Variants in PNLIPRP1 observed in about 807,000 individuals in gnomAD.
The protein encoded by PNLIPRP1 is pancreatic lipase related protein 1.
Under a neutral mutation model 54.6 loss-of-function variants are expected in PNLIPRP1, and 57 were observed. The observed-to-expected ratio is 1.04, with a 90% CI of 0.84 to 1.30. PNLIPRP1 has a LOEUF of 1.30. Ranked by LOEUF, PNLIPRP1 falls within the 50% of genes most tolerant of loss-of-function variation. The pLI, the probability that PNLIPRP1 is intolerant of heterozygous loss-of-function variation, is 0.00. For missense variants in PNLIPRP1, 567 were observed against 568.5 expected (o/e 1.00, Z 0.03); for synonymous variants, 232 against 208.8 (o/e 1.11, Z -0.96).
At chr10:116,608,841 G>A (rs547193303) in intron 12 of PNLIPRP1, among the ~76,000 whole-genome samples, 146 of 152,312 alleles carry the variant, frequency 9.6e-4, no homozygotes, top group Non-Finnish European at 1.7e-3. Context: ...AGCAGACCTT[G>A]TCCTAGAGCC....
chr10:116,608,916 G>C (rs782285743), intron 12 of PNLIPRP1, 137 bp from the exon 13 acceptor site: 9 of 729,130 alleles, frequency 1.2e-5, no homozygotes, highest in Non-Finnish European at 2.0e-5. Flanking sequence ...CGTGCCTCCT[G>C]AATCACTCAT....
intron 10 of PNLIPRP1, among the ~76,000 whole-genome samples, chr10:116,601,822 G>A (rs1016755596): frequency 1.3e-5 from 2 of 152,270 alleles, no homozygotes; most frequent in East Asian, 3.9e-4. Flanking sequence ...TAAAGACAGA[G>A]GTTACATATT....
chr10:116,606,798 C>T (rs887495972), intron 12 of PNLIPRP1, among the ~76,000 whole-genome samples: 2 of 152,148 alleles, frequency 1.3e-5, no homozygotes, highest in East Asian at 1.9e-4. Context: ...AGGTCCTGTG[C>T]CCATCAGCTG....
At position 116,590,995 on chromosome 10, in the gene PNLIPRP1, G is replaced by A. The variant is rs1014267148; in HGVS notation, c.-1G>A. On this transcript the variant is annotated splice_region_variant and 5_prime_UTR_variant, in exon 1 of 13. Transcript: ENST00000358834. ...AGGGAACATCTGGAACATTAGACAG[G>A]GTAAGCCACCTTTGCAACTCCTTTC... 1.5e-6 allele frequency: 1 copy of A among 656,736 alleles called. No homozygotes were observed. Among genetic ancestry groups the A allele is most frequent in the African/African-American group, 1.8e-5 (1 of 56,274 alleles). 40.7% of individuals were successfully genotyped at this position (656,736 alleles called of 1,614,324 possible).
intron 11 of PNLIPRP1, among the ~76,000 whole-genome samples, chr10:116,604,718 T>C (rs965683514): frequency 1.2e-4 from 17 of 147,152 alleles, no homozygotes; most frequent in Non-Finnish European, 7.5e-5. Flanking sequence ...GAAAGAGTCT[T>C]TGCTCTGTCA....
chr10:116,598,340 C>T lies in PNLIPRP1; in HGVS notation c.814+174C>T, dbSNP rs531460955. On this transcript the variant is annotated intron_variant, in intron 8 of 12. Transcript: ENST00000358834. Reference sequence around the variant, plus strand: ...CTACATAGTATTTGTTATATCTCAGCTTTACTGCTTTTGTGCTTCCTTAAA... The same window carrying T: ...CTACATAGTATTTGTTATATCTCAGTTTTACTGCTTTTGTGCTTCCTTAAA... Among the ~76,000 whole-genome samples, 3 of 152,338 alleles carry T rather than the reference C, an allele frequency of 2.0e-5. No homozygotes were observed. The South Asian group carries it at 6.2e-4, about 32-fold the overall frequency.
chr10:116,605,231 C>CAT (rs1290827144), intron 11 of PNLIPRP1, among the ~76,000 whole-genome samples, 155 bp from the exon 12 acceptor site: 1 of 152,176 alleles, frequency 6.6e-6, no homozygotes, highest in Non-Finnish European at 1.5e-5. Context: ...GAGGTGCTAG[C>CAT]ATATAGCTGG....
At chr10:116,603,883 A>C in intron 10 of PNLIPRP1, 147 bp from the exon 11 acceptor site, 1 of 486,072 alleles carries the variant, frequency 2.1e-6, no homozygotes, top group Non-Finnish European at 3.7e-6. Context: ...ACAGAGTGAG[A>C]CCCCATCTCA....
rs267602380 is a variant in PNLIPRP1, at chr10:116,600,136, C to T, written c.904C>T (p.Pro302Ser). Residue 302 changes from proline (P) to serine (S), a missense_variant, in exon 9 of 13, where the codon CCC becomes TCC. Pro to Ser is a moderately conservative substitution (Grantham distance 74). Coordinates refer to ENST00000358834, the MANE Select transcript of PNLIPRP1 (RefSeq NM_006229.4). The stretch of plus-strand genomic sequence containing the variant: ...CAATCCCGATGGGTTTGCTGCATAT[C>T]CCTGCACTTCCTACAAGTCCTTTGA... The part of the protein sequence containing the change: ...ILNPDGFAAY[P>S]CTSYKSFESD... 5 of 1,611,726 alleles carry T rather than the reference C, an allele frequency of 3.1e-6. No homozygotes were observed. Among genetic ancestry groups the T allele is most frequent in the Non-Finnish European group, 4.2e-6 (5 of 1,177,878 alleles).
In PNLIPRP1 at chr10:116,600,114, T is replaced by A; in HGVS notation, c.882T>A (p.Asn294Lys). ...AGTATTACTTGGAAAGCATCCTCAA[T>A]CCCGATGGGTTTGCTGCATATCCCT... is the stretch of plus-strand genomic sequence containing the variant. ...SYKYYLESIL[N>K]PDGFAAYPCT... The change falls in exon 9 of 13, where the codon AAT becomes AAA. Residue 294 changes from asparagine to lysine, a missense_variant. Transcript: ENST00000358834. The A allele has an allele frequency of 6.2e-7, 1 of 1,613,902 alleles. No homozygotes were observed. Among genetic ancestry groups the A allele is most frequent in the Non-Finnish European group, 8.5e-7 (1 of 1,179,832 alleles).
intron 11 of PNLIPRP1, among the ~76,000 whole-genome samples, chr10:116,604,532 T>C (rs1200458158): frequency 6.6e-6 from 1 of 152,202 alleles, no homozygotes; most frequent in Non-Finnish European, 1.5e-5. Context: ...ACACAATGAT[T>C]AAATTACCTA....
intron 11 of PNLIPRP1, 132 bp from the exon 12 acceptor site, chr10:116,605,254 T>G (rs1331780999): frequency 5.5e-6 from 3 of 544,198 alleles, no homozygotes; most frequent in Admixed American, 3.0e-5. Flanking sequence ...TTTCCATTTC[T>G]CCATCCTTTA....
rs1847895639 is a variant in PNLIPRP1, at chr10:116,604,084, T to A, written c.1118T>A (p.Ile373Asn). The change falls in exon 11 of 13, where the codon ATC becomes AAC. Residue 373 changes from isoleucine to asparagine, a missense_variant. Ile to Asn is a moderately radical substitution (Grantham distance 149, BLOSUM62 -3). Transcript: ENST00000358834. ...TLSGRTATGQ[I>N]KVALFGNKGN... is the part of the protein sequence containing the mutation. ...TCTGGAAGAACAGCCACTGGTCAGA[T>A]CAAAGTTGCTTTGTTTGGAAATAAG... is the stretch of plus-strand genomic sequence containing the variant. 2 of 1,613,848 alleles carry A rather than the reference T, an allele frequency of 1.2e-6. No homozygotes were observed. The highest frequency in any genetic ancestry group is 1.7e-6 in the Non-Finnish European group (2 of 1,179,786).
chr10:116,605,529 T>G lies in PNLIPRP1; in HGVS notation c.1316T>G (p.Val439Gly). The G allele has an allele frequency of 6.2e-7, 1 of 1,603,692 alleles. No individual in the cohort carries two copies. The highest frequency in any genetic ancestry group is 8.5e-7 in the Non-Finnish European group (1 of 1,173,222). ...AAAGTGGGTGCCACCAAGATCACTG[T>G]GCAAAAGGGAGAAGAGAAGACAGTG... ...LPKVGATKITVQKGEEKTVYN... is the reference protein window; with the variant it reads ...LPKVGATKITGQKGEEKTVYN... The change falls in exon 12 of 13, where the codon GTG becomes GGG. Residue 439 changes from valine (V) to glycine (G), a missense_variant. Physicochemically the swap from Val to Gly is moderately radical, Grantham distance 109. Coordinates refer to ENST00000358834, the MANE Select transcript of PNLIPRP1 (RefSeq NM_006229.4).
rs1036848101 is a variant in PNLIPRP1 at position 116,596,124 on chromosome 10, G to T, written c.466-90G>T. The T allele has an allele frequency of 3.5e-6, 3 of 859,248 alleles. No homozygotes were observed. The East Asian group carries it at 7.3e-5, about 21-fold the overall frequency. The allele number at this position is 859,248 out of a possible 1,614,324, so 53.2% of individuals were successfully genotyped here. A position where few individuals can be genotyped will look rare whatever the true frequency, so the allele number is the denominator to read the frequency against. On this transcript the variant is annotated intron_variant, in intron 5 of 12. Coordinates refer to ENST00000358834, the MANE Select transcript of PNLIPRP1 (RefSeq NM_006229.4). ...CTGAAGGCAATGAGAGGCATGGAAG[G>T]TTTTCAGCAGAGGAGTAATATCCAT...
intron 12 of PNLIPRP1, 83 bp downstream of exon 12, chr10:116,605,636 T>C: frequency 9.3e-7 from 1 of 1,073,842 alleles, no homozygotes; most frequent in South Asian, 2.2e-5. Flanking sequence ...AAGTTACGTG[T>C]AGTTAAGCAA....
Position 116,600,059 on chromosome 10 carries a change from TTG to T in PNLIPRP1, c.830_831del (p.Val277GlyfsTer33), listed in dbSNP as rs529780946. ...TTTGTTTTCCCAGGAACCCGGGACT[TTG>T]TGGCTTGCAATCACCTAAGAAGCTA... On this transcript the variant is annotated frameshift_variant, in exon 9 of 13. Transcript: ENST00000358834. LOFTEE classifies it high-confidence loss of function. The T allele has an allele frequency of 4.3e-6, 7 of 1,613,672 alleles. No individual in the cohort carries two copies. In the South Asian group the frequency reaches 7.7e-5, roughly 18 times the overall value.
intron 10 of PNLIPRP1, among the ~76,000 whole-genome samples, chr10:116,602,771 C>T (rs1847869188): frequency 6.6e-6 from 1 of 152,024 alleles, no homozygotes; most frequent in Non-Finnish European, 1.5e-5. Flanking sequence ...GTGTATGTAC[C>T]TTTGTGTGTA....
At chr10:116,604,422 G>A (rs1246508707) in intron 11 of PNLIPRP1, among the ~76,000 whole-genome samples, 2 of 152,112 alleles carry the variant, frequency 1.3e-5, no homozygotes, top group Admixed American at 6.5e-5. Flanking sequence ...GTAACATGTA[G>A]TACAGGTTTG....
Sources: gnomAD v4.1 joint callset for allele counts (sites outside exome capture counted in the v4.1 genomes callset) on GRCh38, gnomAD v4.1.1 for gene constraint, MANE v1.5 for transcripts, NCBI Gene and HGNC (gene_info 2026-07-23, HGNC 2026-07-21) for gene names.